SMYD3: variants seen among roughly 807,000 people sequenced by gnomAD.
SMYD3 encodes the protein histone-lysine N-methyltransferase SMYD3.
Under a neutral mutation model 57.7 loss-of-function variants are expected in SMYD3, and 36 were observed. That is an observed-to-expected ratio of 0.62 (90% CI 0.48 to 0.82). SMYD3 has a LOEUF of 0.82. SMYD3 is among the 40% of genes least tolerant of loss of function. SMYD3 has a pLI of 0.00. For missense variants in SMYD3, 515 were observed against 538.8 expected, an observed-to-expected ratio of 0.96 and a Z score of 0.44; for synonymous variants, 211 against 195.0, an observed-to-expected ratio of 1.08 and a Z score of -0.68.
chr1:246,367,840 TAAGAG>T (rs1384433691), intron 1 of SMYD3, among the ~76,000 whole-genome samples: 1 of 152,176 alleles, frequency 6.6e-6, no homozygotes, highest in East Asian at 1.9e-4. Flanking sequence ...TACCACCAAA[TAAGAG>T]AAGATATTGA....
chr1:246,085,457 G>T (rs1171347965), intron 5 of SMYD3, among the ~76,000 whole-genome samples: 1 of 151,986 alleles, frequency 6.6e-6, no homozygotes, highest in Non-Finnish European at 1.5e-5. Context: ...TCTTTCCTAC[G>T]TTTTATGACC....
chr1:246,391,645 C>T (rs966593604), intron 1 of SMYD3, among the ~76,000 whole-genome samples: 1 of 151,816 alleles, frequency 6.6e-6, no homozygotes, highest in Non-Finnish European at 1.5e-5. Flanking sequence ...AAACAAAATA[C>T]ACTTTAAGAC....
intron 9 of SMYD3, among the ~76,000 whole-genome samples, chr1:245,859,669 T>C (rs2051431909): frequency 1.3e-5 from 2 of 152,220 alleles, no homozygotes; most frequent in African/African-American, 4.8e-5. Context: ...CCAAGGAGGG[T>C]GCAGGACTGG....
intron 5 of SMYD3, among the ~76,000 whole-genome samples, chr1:246,001,672 A>G (rs1462579436): frequency 6.6e-6 from 1 of 152,218 alleles, no homozygotes; most frequent in Non-Finnish European, 1.5e-5. Flanking sequence ...AATAGTTTAA[A>G]TGTTTTCCAT....
chr1:245,924,576 A>G (rs935827560), intron 7 of SMYD3, among the ~76,000 whole-genome samples: 2 of 150,886 alleles, frequency 1.3e-5, no homozygotes, highest in African/African-American at 2.4e-5. Flanking sequence ...ACTGGCTTTC[A>G]TATTCCCTTC....
rs140398391 is a variant in SMYD3, at chr1:246,063,832, G to A, written c.532-133895C>T. 2.1e-3 allele frequency among the ~76,000 whole-genome samples: 315 copies of A among 152,162 alleles called. 3 individuals carry two copies. Among genetic ancestry groups the A allele is most frequent in the Middle Eastern group, 0.017 (5 of 294 alleles). On this transcript the variant is annotated intron_variant, in intron 5 of 11. Coordinates refer to ENST00000490107, the MANE Select transcript of SMYD3 (RefSeq NM_001167740.2). ...TTTTTGCATTTTTAGTAGAGACAGG[G>A]TTTTGCTATGTTCCCTACGCCAGTC...
intron 5 of SMYD3, among the ~76,000 whole-genome samples, chr1:246,114,548 C>T (rs2061310720): frequency 6.6e-6 from 1 of 152,224 alleles, no homozygotes; most frequent in Admixed American, 6.5e-5. Flanking sequence ...CCCTAGAAAA[C>T]TTCCTTTCAG....
chr1:246,298,558 T>C (rs2064836954), intron 5 of SMYD3, among the ~76,000 whole-genome samples: 1 of 151,860 alleles, frequency 6.6e-6, no homozygotes. Context: ...AAGATGGAGG[T>C]TTTGTACTAA....
At chr1:246,194,330 C>A (rs553520085) in intron 5 of SMYD3, among the ~76,000 whole-genome samples, 7 of 151,004 alleles carry the variant, frequency 4.6e-5, no homozygotes, top group African/African-American at 1.7e-4. Flanking sequence ...TGCAGTAGTG[C>A]GATCTCAGCT....
At chr1:246,359,979 A>G (rs1364302417) in intron 1 of SMYD3, among the ~76,000 whole-genome samples, 1 of 152,164 alleles carries the variant, frequency 6.6e-6, no homozygotes, top group Non-Finnish European at 1.5e-5. Context: ...GACAAGAGAA[A>G]GAAATCAAAG....
At chr1:245,830,556 G>C (rs1292985823) in intron 10 of SMYD3, among the ~76,000 whole-genome samples, 2 of 152,178 alleles carry the variant, frequency 1.3e-5, no homozygotes, top group Non-Finnish European at 2.9e-5. Context: ...TAGGCAACTG[G>C]CCTGGGCACC....
intron 8 of SMYD3, among the ~76,000 whole-genome samples, chr1:245,895,398 TCTG>T (rs1476406192): frequency 6.6e-6 from 1 of 152,186 alleles, no homozygotes; most frequent in African/African-American, 2.4e-5. Flanking sequence ...CGGGAAACAT[TCTG>T]CTTAGATTGT....
intron 10 of SMYD3, among the ~76,000 whole-genome samples, chr1:245,817,214 T>A (rs2048876881): frequency 6.8e-6 from 1 of 146,512 alleles, no homozygotes; most frequent in South Asian, 2.2e-4. Flanking sequence ...ACGGGCAGAC[T>A]GCCTCCTCAA....
chr1:245,753,381 G>C lies in SMYD3; in HGVS notation c.1186-3717C>G, dbSNP rs574759481. Among the ~76,000 whole-genome samples, 4 of 152,310 alleles carry C rather than the reference G, an allele frequency of 2.6e-5. No homozygotes were observed. In the East Asian group the frequency reaches 7.7e-4, roughly 29 times the overall value. ...GTAGATGAGAAAGGGAGAGAAAAAC[G>C]AGAAGAAAGAAGTAGGATTCAGTAA... On this transcript the variant is annotated intron_variant, in intron 11 of 11. Transcript: ENST00000490107.
intron 1 of SMYD3, among the ~76,000 whole-genome samples, chr1:246,490,458 C>T (rs2068252592): frequency 6.6e-6 from 1 of 152,114 alleles, no homozygotes. Flanking sequence ...TCTTGGGATT[C>T]ACAGAAAAAT....
chr1:246,477,754 T>C (rs2068046703), intron 1 of SMYD3, among the ~76,000 whole-genome samples: 1 of 152,224 alleles, frequency 6.6e-6, no homozygotes, highest in African/African-American at 2.4e-5. Context: ...CAGACTCCAA[T>C]GCCCAGGGCT....
At chr1:246,338,810 G>A (rs141575719) in intron 2 of SMYD3, among the ~76,000 whole-genome samples, 13 of 152,314 alleles carry the variant, frequency 8.5e-5, no homozygotes, top group African/African-American at 2.9e-4. Flanking sequence ...AGTTCTCAAT[G>A]GGAGTGACGC....
chr1:246,411,093 T>C (rs1439040876), intron 1 of SMYD3, among the ~76,000 whole-genome samples: 1 of 152,142 alleles, frequency 6.6e-6, no homozygotes. Context: ...AGTCTATCAA[T>C]TTTGTTGATC....
At chr1:246,194,003 C>G (rs1389946727) in intron 5 of SMYD3, among the ~76,000 whole-genome samples, 10 of 152,154 alleles carry the variant, frequency 6.6e-5, no homozygotes, top group Non-Finnish European at 1.3e-4. Context: ...ATTATGTTCT[C>G]TTTCATTTGG....
Sources: allele counts gnomAD v4.1 joint callset (sites outside exome capture counted in the v4.1 genomes callset), GRCh38; gene constraint gnomAD v4.1.1; transcripts MANE v1.5; gene names NCBI Gene and HGNC (gene_info 2026-07-23, HGNC 2026-07-21).